The following RHOBTB1 variants were observed in gnomAD, a reference collection of about 807,000 sequenced individuals.
RHOBTB1 encodes rho-related BTB domain-containing protein 1.
Under a neutral mutation model 71.6 loss-of-function variants are expected in RHOBTB1, and 40 were observed. The observed-to-expected ratio is 0.56, with a 90% confidence interval of 0.43 to 0.73. The LOEUF is 0.73. RHOBTB1 is among the 30% of genes least tolerant of loss of function. The pLI is 0.00. For synonymous variants in RHOBTB1, 319 were observed against 334.9 expected (o/e 0.95, Z 0.52); for missense variants, 797 against 894.0 (o/e 0.89, Z 1.38).
chr10:60,953,215 A>G (rs1432542203), intron 2 of RHOBTB1, among the ~76,000 whole-genome samples: 5 of 152,228 alleles, frequency 3.3e-5, no homozygotes, highest in Non-Finnish European at 5.9e-5. Context: ...TTTGTTCTCA[A>G]CTATTCAAGT....
At chr10:60,925,536 G>A (rs1248566653) in intron 2 of RHOBTB1, among the ~76,000 whole-genome samples, 1 of 151,864 alleles carries the variant, frequency 6.6e-6, no homozygotes, top group Non-Finnish European at 1.5e-5. Context: ...AGAAAAGCAA[G>A]AGCAAACTAA....
chr10:60,911,636 C>G (rs1373042227), intron 2 of RHOBTB1, 84 bp from the exon 3 acceptor site: 2 of 1,150,530 alleles, frequency 1.7e-6, no homozygotes, highest in African/African-American at 1.5e-5. Flanking sequence ...GGGAGTTTTG[C>G]CTTCGTCCAG....
rs185682860 is a variant in RHOBTB1 at position 60,874,998 on chromosome 10, C to T, written c.1771G>A (p.Val591Met). Residue 591 changes from valine to methionine, a missense_variant, in exon 9 of 11, where the codon GTG (valine) becomes ATG (methionine). Val to Met is a conservative substitution (Grantham distance 21). This residue lies in a region of RHOBTB1 where 658 missense variants were observed against 681.5 expected (regional missense o/e 0.97). Transcript: ENST00000337910. ...QELTKAATSG[V>M]GIDGEVLSYL... ...GAGAGCACTTCTCCGTCAATGCCCA[C>T]GCCACTCGTGGCGGCTTTGGTCAAC... 97 of 1,614,104 alleles carry T rather than the reference C, an allele frequency of 6.0e-5. No individual in the cohort carries two copies. The highest frequency in any genetic ancestry group is 5.6e-4 in the East Asian group (25 of 44,872).
intron 2 of RHOBTB1, among the ~76,000 whole-genome samples, chr10:60,971,443 G>A (rs1040924315): frequency 5.9e-5 from 9 of 152,106 alleles, no homozygotes; most frequent in Non-Finnish European, 1.3e-4. Flanking sequence ...AAGCAATGGG[G>A]AAAGGATTCC....
At position 60,911,562 on chromosome 10, in the gene RHOBTB1, G is replaced by A; in HGVS notation, c.-10-10C>T. On this transcript the variant is annotated splice_polypyrimidine_tract_variant and intron_variant, in intron 2 of 10. Transcript: ENST00000337910. ...GTCCATTTATGAAACTCTGTAAGAAGAGAGTGAACACCACAGTAAGGACAC... is the reference window on the plus strand; with the variant it reads ...GTCCATTTATGAAACTCTGTAAGAAAAGAGTGAACACCACAGTAAGGACAC... 1.9e-6 allele frequency: 3 copies of A among 1,606,290 alleles called. No individual in the cohort carries two copies. The highest frequency in any genetic ancestry group is 2.6e-6 in the Non-Finnish European group (3 of 1,173,846).
chr10:60,957,023 T>C lies in RHOBTB1; in HGVS notation c.-61-15169A>G, dbSNP rs141866662. ...CATGATTGATGAAGTATTTTTCACT[T>C]AAACATTTTGCTATATTTATAACAA... is the stretch of plus-strand genomic sequence containing the variant. On this transcript the variant is annotated intron_variant, in intron 2 of 11. Transcript: ENST00000357917. Among the ~76,000 whole-genome samples, 22 of 152,322 alleles carry C rather than the reference T, an allele frequency of 1.4e-4. No homozygotes were observed. In the East Asian group the frequency reaches 4.2e-3, roughly 29 times the overall value.
intron 8 of RHOBTB1, among the ~76,000 whole-genome samples, chr10:60,876,251 A>T (rs1268277082): frequency 6.6e-6 from 1 of 152,236 alleles, no homozygotes; most frequent in Non-Finnish European, 1.5e-5. Flanking sequence ...TCTACACTAG[A>T]CAGTACAAAG....
At chr10:60,977,369 T>C (rs1056592206) in intron 2 of RHOBTB1, among the ~76,000 whole-genome samples, 1 of 152,032 alleles carries the variant, frequency 6.6e-6, no homozygotes, top group Non-Finnish European at 1.5e-5. Context: ...ATGTCACTTA[T>C]GTATGGCTGC....
intron 2 of RHOBTB1, among the ~76,000 whole-genome samples, chr10:60,984,119 T>C (rs1040399869): frequency 2.0e-5 from 3 of 152,184 alleles, no homozygotes; most frequent in African/African-American, 7.2e-5. Flanking sequence ...TTTGCTCCAA[T>C]TGGGTAGGCA....
At chr10:60,890,645 A>G (rs560381426) in intron 5 of RHOBTB1, among the ~76,000 whole-genome samples, 1 of 152,190 alleles carries the variant, frequency 6.6e-6, no homozygotes, top group African/African-American at 2.4e-5. Context: ...CTTCTTATAT[A>G]AATATTTGGC....
At chr10:60,936,168 T>C (rs2134080298) in intron 2 of RHOBTB1, among the ~76,000 whole-genome samples, 1 of 152,346 alleles carries the variant, frequency 6.6e-6, no homozygotes, top group South Asian at 2.1e-4. Flanking sequence ...ACGTACGTCT[T>C]TGATGTTTCA....
Position 60,876,470 on chromosome 10 carries a change from G to A in RHOBTB1, c.1727-1428C>T, listed in dbSNP as rs74490355. On this transcript the variant is annotated intron_variant, in intron 8 of 10. Transcript: ENST00000337910. ...CCAGACTTAATATTTAAGCAAAACT[G>A]GTACTAGTCTGAGATTGATCACAAA... Among the ~76,000 whole-genome samples the A allele has an allele frequency of 3.9e-4, 60 of 152,226 alleles. No individual in the cohort carries two copies. In the East Asian group the frequency reaches 0.01, roughly 26 times the overall value.
At chr10:60,885,704 G>T (rs144479065) in intron 7 of RHOBTB1, among the ~76,000 whole-genome samples, 1 of 152,316 alleles carries the variant, frequency 6.6e-6, no homozygotes, top group East Asian at 1.9e-4. Flanking sequence ...GGTGGCTGAA[G>T]AACTCTTTTC....
rs2082211413 is a variant in RHOBTB1 at position 60,897,410 on chromosome 10, G to A, written c.297-4415C>T. Among the ~76,000 whole-genome samples, 4 of 152,168 alleles carry A rather than the reference G, an allele frequency of 2.6e-5. No individual in the cohort carries two copies. The South Asian group carries it at 8.3e-4, about 31-fold the overall frequency. ...CACAAAAGTACTGTCTTCTTAGTTTGACTTTCCTTTTCTAGTATCATTTAT... is the reference window on the plus strand; with the variant it reads ...CACAAAAGTACTGTCTTCTTAGTTTAACTTTCCTTTTCTAGTATCATTTAT... On this transcript the variant is annotated intron_variant, in intron 4 of 10. Transcript: ENST00000337910.
chr10:60,874,484 G>A (rs1031502651), intron 9 of RHOBTB1, among the ~76,000 whole-genome samples: 5 of 152,218 alleles, frequency 3.3e-5, no homozygotes, highest in Non-Finnish European at 7.3e-5. Context: ...TCTGGAAGAA[G>A]AGGGCAAGTC....
rs189467290 is a variant in RHOBTB1, at chr10:60,969,767, C to T, written c.-62+16078G>A. On this transcript the variant is annotated intron_variant, in intron 2 of 11. Coordinates refer to the RHOBTB1 transcript ENST00000357917. ...GAGTCTTCAGTTCTAGAGTTGTTTA[C>T]TAGGCATTTATTACATCATAATATG... Among the ~76,000 whole-genome samples the T allele has an allele frequency of 4.2e-3, 639 of 152,238 alleles. 1 individual carries two copies. The highest frequency in any genetic ancestry group is 7.1e-3 in the Non-Finnish European group (482 of 67,994).
chr10:60,939,506 T>A (rs1450986654), intron 2 of RHOBTB1, among the ~76,000 whole-genome samples: 1 of 152,222 alleles, frequency 6.6e-6, no homozygotes, highest in Non-Finnish European at 1.5e-5. Context: ...TCTTCCCTGC[T>A]GCCCACACAC....
rs1462535053 is a variant in RHOBTB1 at position 60,870,002 on chromosome 10, G to A, written c.*1480C>T. ...CTCATTTCCATCTTCTGAAAAGCTA[G>A]AAGAAAAAATAAAAATAAAAACAAA... On this transcript the variant is annotated 3_prime_UTR_variant, in exon 11 of 11. Transcript: ENST00000337910. The A allele has an allele frequency of 6.6e-6, 1 of 152,526 alleles. No individual in the cohort carries two copies. The highest frequency in any genetic ancestry group is 1.9e-4 in the East Asian group (1 of 5,198). 9.4% of individuals were successfully genotyped at this position (152,526 alleles called of 1,614,324 possible).
chr10:60,964,180 G>A (rs1446897756), intron 2 of RHOBTB1, among the ~76,000 whole-genome samples: 1 of 152,080 alleles, frequency 6.6e-6, no homozygotes, highest in East Asian at 1.9e-4. Flanking sequence ...TTTCTAATAT[G>A]TAGTGGTTTT....
Sources: allele counts gnomAD v4.1 joint callset (sites outside exome capture counted in the v4.1 genomes callset), GRCh38; gene constraint gnomAD v4.1.1; regional missense constraint gnomAD v4.1.1; transcripts MANE v1.5; gene names NCBI Gene and HGNC (gene_info 2026-07-23, HGNC 2026-07-21).